Variants in BRI3 observed in about 807,000 individuals in gnomAD.
BRI3 encodes membrane protein BRI3.
BRI3 carries 6 observed loss-of-function variants against 12.8 expected under a neutral mutation model. That is an observed-to-expected ratio of 0.47 (90% CI 0.26 to 0.93). The LOEUF (loss-of-function observed/expected upper bound fraction) is 0.93, where lower values mean the gene tolerates loss of function less well. Among genes scored for constraint, BRI3 ranks in the 40% least tolerant of loss-of-function variants. BRI3 has a pLI of 0.15. For synonymous variants in BRI3, 91 were observed against 76.1 expected (o/e 1.20, Z -1.02); for missense variants, 134 against 171.1 (o/e 0.78, Z 1.21).
chr7:98,319,209 G>C, the BRI3 span, among the ~76,000 whole-genome samples: 6 of 152,110 alleles, frequency 3.9e-5, no homozygotes, highest in Non-Finnish European at 2.9e-5. Context: ...AGAAAGTTAA[G>C]TACTCTATAG....
upstream of BRI3, chr7:98,304,334 C>A (rs752273587): frequency 6.2e-7 from 1 of 1,613,754 alleles, no homozygotes; most frequent in South Asian, 1.1e-5. Context: ...CACTGCTATT[C>A]TCAGACAAGT....
At chr7:98,282,285 G>T (rs1213662632) in intron 1 of BRI3, 66 bp from the exon 2 acceptor site, 18 of 1,329,290 alleles carry the variant, frequency 1.4e-5, no homozygotes, top group African/African-American at 1.2e-4. Flanking sequence ...GGGACAGGAT[G>T]AGTAGTCCCC....
chr7:98,314,013 TCTTG>T (rs1201592539), downstream of BRI3, among the ~76,000 whole-genome samples: 2 of 130,078 alleles, frequency 1.5e-5, no homozygotes, highest in Non-Finnish European at 3.2e-5. Context: ...TGAGACAGAG[TCTTG>T]CTCTGTTGCC....
intron 2 of BRI3, chr7:98,282,674 G>A (rs1799566261): frequency 3.7e-6 from 2 of 533,838 alleles, no homozygotes; most frequent in African/African-American, 1.9e-5. Context: ...GGGCAAAAGG[G>A]TGGATTCCTT....
chr7:98,299,787 TC>T (rs1378281365), intron 1 of BRI3, among the ~76,000 whole-genome samples: 6 of 152,328 alleles, frequency 3.9e-5, no homozygotes, highest in African/African-American at 1.2e-4. Context: ...ACGCCTATAT[TC>T]CCAGCACTTT....
chr7:98,283,748 C>T (rs777994993), intron 2 of BRI3, among the ~76,000 whole-genome samples: 9 of 152,328 alleles, frequency 5.9e-5, no homozygotes, highest in African/African-American at 1.9e-4. Context: ...GGTCCTGGTC[C>T]TGCCAGGAAC....
At chr7:98,300,623 T>C (rs1800381743) in intron 1 of BRI3, among the ~76,000 whole-genome samples, 1 of 152,062 alleles carries the variant, frequency 6.6e-6, no homozygotes, top group African/African-American at 2.4e-5. Context: ...CCTTTCTCCA[T>C]TTCACGAGGC....
intron 2 of BRI3, among the ~76,000 whole-genome samples, chr7:98,288,841 C>T (rs1369494780): frequency 6.6e-6 from 1 of 151,896 alleles, no homozygotes; most frequent in Non-Finnish European, 1.5e-5. Context: ...AGCGATCCGC[C>T]TCAGCTTCCC....
downstream of BRI3, among the ~76,000 whole-genome samples, chr7:98,297,146 A>G (rs1800226279): frequency 2.0e-5 from 3 of 152,226 alleles, no homozygotes. Flanking sequence ...GAGCGAGGCC[A>G]CCAAGCGGCT....
At chr7:98,315,468 G>T in the BRI3 span, 1 of 1,477,990 alleles carries the variant, frequency 6.8e-7, no homozygotes, top group Non-Finnish European at 9.0e-7. Context: ...ACCTGTAAGT[G>T]ATAATAATGT....
exon 2 of BRI3, chr7:98,310,425 A>C: frequency 6.4e-7 from 1 of 1,571,210 alleles, no homozygotes; most frequent in Non-Finnish European, 8.6e-7. Flanking sequence ...TCTTCAAATA[A>C]ATCAGACTGA....
chr7:98,301,018 T>C (rs1800398268), intron 1 of BRI3, among the ~76,000 whole-genome samples: 1 of 152,066 alleles, frequency 6.6e-6, no homozygotes. Context: ...CCTGCGTGGG[T>C]CTCATTCCTC....
intron 1 of BRI3, among the ~76,000 whole-genome samples, chr7:98,298,541 A>T (rs2116806071): frequency 6.6e-6 from 1 of 152,102 alleles, no homozygotes; most frequent in African/African-American, 2.4e-5. Flanking sequence ...TGAACCCAGG[A>T]GGTGGAGTTT....
intron 2 of BRI3, 126 bp downstream of exon 2, chr7:98,282,579 TTTA>T (rs1210729338): frequency 1.1e-5 from 8 of 753,888 alleles, no homozygotes; most frequent in African/African-American, 1.7e-5. Flanking sequence ...ACCAGAGCCC[TTTA>T]TGGGAGGGAC....
chr7:98,295,146 C>A (rs1301581699), downstream of BRI3, among the ~76,000 whole-genome samples: 1 of 152,232 alleles, frequency 6.6e-6, no homozygotes, highest in Non-Finnish European at 1.5e-5. Flanking sequence ...CTCTCATGCC[C>A]GATGCCAGCG....
At chr7:98,290,484 C>T (rs964851090) in intron 2 of BRI3, among the ~76,000 whole-genome samples, 4 of 151,378 alleles carry the variant, frequency 2.6e-5, no homozygotes, top group Non-Finnish European at 4.4e-5. Flanking sequence ...CGTGAGCCAC[C>T]GCGCCCGGCC....
At chr7:98,292,810 C>T (rs1800024811), downstream of BRI3, 1 of 1,514,760 alleles carries the variant, frequency 6.6e-7, no homozygotes, top group African/African-American at 1.4e-5. Context: ...AGGCCTGTGT[C>T]CTGGATGGGC....
At chr7:98,312,506 A>G (rs1800910172), downstream of BRI3, among the ~76,000 whole-genome samples, 1 of 152,152 alleles carries the variant, frequency 6.6e-6, no homozygotes, top group African/African-American at 2.4e-5. Context: ...AATACAGAGC[A>G]TGGGACTAAT....
chr7:98,307,729 TCTC>T (rs1347647935), exon 2 of BRI3: 6 of 1,614,178 alleles, frequency 3.7e-6, no homozygotes, highest in African/African-American at 1.3e-5. Flanking sequence ...CAGCCATCCT[TCTC>T]CTCGGGGATG....
Sources: gnomAD v4.1 joint callset for allele counts (sites outside exome capture counted in the v4.1 genomes callset) on GRCh38, gnomAD v4.1.1 for gene constraint, MANE v1.5 for transcripts, NCBI Gene and HGNC (gene_info 2026-07-23, HGNC 2026-07-21) for gene names.